Variants in C8orf74 observed in about 807,000 individuals in gnomAD.
C8orf74 encodes uncharacterized protein C8orf74.
A neutral mutation model predicts 22.2 loss-of-function variants in C8orf74; 29 were observed. That is an observed-to-expected ratio of 1.31 (90% confidence interval 0.97 to 1.78). The LOEUF (loss-of-function observed/expected upper bound fraction) is 1.78. C8orf74 is among the 40% of genes most tolerant of loss of function. The pLI, the probability that C8orf74 is intolerant of heterozygous loss-of-function variation, is 0.00. For missense variants in C8orf74, 515 were observed against 369.9 expected, an observed-to-expected ratio of 1.39 and a Z score of -3.22; for synonymous variants, 255 against 163.1, an observed-to-expected ratio of 1.56 and a Z score of -4.30.
In C8orf74 at chr8:10,700,378, T is replaced by G; in HGVS notation, c.792T>G (p.Pro264=). Reference sequence around the variant, plus strand: ...CTCTGAACCTCAACGCCCCCACCCCTATCCCGCCCCCCATCACCAGCCACG... The same window carrying G: ...CTCTGAACCTCAACGCCCCCACCCCGATCCCGCCCCCCATCACCAGCCACG... ...KKTLNLNAPT[P]IPPPITSHAG... The change falls in exon 4 of 4, where the codon CCT becomes CCG. Residue 264 remains proline (P), a synonymous_variant. Transcript: ENST00000304519. 2.6e-6 allele frequency: 2 copies of G among 781,242 alleles called. No individual in the cohort carries two copies. The highest frequency in any genetic ancestry group is 3.9e-6 in the Non-Finnish European group (2 of 506,560). The allele number at this position is 781,242 out of a possible 1,614,324, so 48.4% of individuals were successfully genotyped here.
At chr8:10,676,195 T>C (rs1799029137) in intron 2 of C8orf74, among the ~76,000 whole-genome samples, 2 of 152,210 alleles carry the variant, frequency 1.3e-5, no homozygotes, top group Non-Finnish European at 2.9e-5. Context: ...AATAATTTTT[T>C]TTTAAGTGAG....
chr8:10,695,726 C>T (rs905629301), intron 2 of C8orf74, among the ~76,000 whole-genome samples: 6 of 152,086 alleles, frequency 3.9e-5, no homozygotes, highest in Non-Finnish European at 8.8e-5. Context: ...GCATGGAGCA[C>T]TCTAGCTGGG....
At chr8:10,699,155 C>G (rs574737926) in intron 3 of C8orf74, among the ~76,000 whole-genome samples, 1 of 152,316 alleles carries the variant, frequency 6.6e-6, no homozygotes, top group East Asian at 1.9e-4. Flanking sequence ...GGCATGGCCA[C>G]AGTGGCCCCT....
At chr8:10,690,095 T>A (rs910852204) in intron 2 of C8orf74, among the ~76,000 whole-genome samples, 2 of 152,178 alleles carry the variant, frequency 1.3e-5, no homozygotes, top group Admixed American at 1.3e-4. Flanking sequence ...CCTTGCAGTG[T>A]CCACCTCCAA....
At position 10,698,001 on chromosome 8, in the gene C8orf74, G is replaced by A. The variant is rs1392280760; in HGVS notation, c.644G>A (p.Arg215Lys). The change falls in exon 3 of 4, where the codon AGA (arginine) becomes AAA (lysine). Residue 215 changes from arginine (R) to lysine (K), a missense_variant. Coordinates refer to ENST00000304519, the MANE Select transcript of C8orf74 (RefSeq NM_001040032.2). ...GCGCAGCCCGGCCAGGTCCTGGAGA[G>A]ACAGGTGAGGCTCTGCCCCCCTGCC... ...APAQPGQVLE[R>K]QELESLICQA... 5 of 1,478,500 alleles carry A rather than the reference G, an allele frequency of 3.4e-6. No homozygotes were observed. Among genetic ancestry groups the A allele is most frequent in the African/African-American group, 2.8e-5 (2 of 71,954 alleles). The allele number at this position is 1,478,500 out of a possible 1,614,324, so 91.6% of individuals were successfully genotyped here.
Position 10,700,367 on chromosome 8 carries a change from G to GCCCCCCCCCCCATGCCCCC in C8orf74, c.786_787insCCCCCCATGCCCCCCCCCC (p.Thr263ProfsTer63). On this transcript the variant is annotated frameshift_variant, in exon 4 of 4. Coordinates refer to ENST00000304519, the MANE Select transcript of C8orf74 (RefSeq NM_001040032.2). LOFTEE classifies it low-confidence loss of function (END_TRUNC). ...TCAGAAGAAGACTCTGAACCTCAAC[G>GCCCCCCCCCCCATGCCCCC]CCCCCACCCCTATCCCGCCCCCCAT... 1 of 1,590,932 alleles carries GCCCCCCCCCCCATGCCCCC rather than the reference G, an allele frequency of 6.3e-7. No individual in the cohort carries two copies. Among genetic ancestry groups the GCCCCCCCCCCCATGCCCCC allele is most frequent in the Non-Finnish European group, 8.6e-7 (1 of 1,159,764 alleles).
chr8:10,697,784 G>A lies in C8orf74; in HGVS notation c.427G>A (p.Glu143Lys), dbSNP rs1321967764. Residue 143 changes from glutamate to lysine, a missense_variant, in exon 3 of 4, where the codon GAG (glutamate) becomes AAG (lysine). Transcript: ENST00000304519. ...QQVDLTVAHL[E>K]VCMPPHPLPL... is the part of the protein sequence containing the mutation. The stretch of plus-strand genomic sequence containing the variant: ...GGTCGACCTGACCGTTGCCCACCTG[G>A]AGGTGTGCATGCCACCCCATCCCCT... The A allele has an allele frequency of 1.2e-6, 2 of 1,614,012 alleles. No homozygotes were observed. Among genetic ancestry groups the A allele is most frequent in the Admixed American group, 1.7e-5 (1 of 60,036 alleles).
At chr8:10,697,175 A>AC (rs1026246193) in intron 2 of C8orf74, among the ~76,000 whole-genome samples, 99 of 152,304 alleles carry the variant, frequency 6.5e-4, no homozygotes, top group African/African-American at 2.3e-3. Flanking sequence ...ATGGTGGCTC[A>AC]CACCTGTAAT....
chr8:10,674,570 T>A, intron 1 of C8orf74, 76 bp from the exon 2 acceptor site: 1 of 862,840 alleles, frequency 1.2e-6, no homozygotes, highest in East Asian at 6.0e-5. Flanking sequence ...AGCCCCCATA[T>A]CACACCCCGT....
chr8:10,690,773 C>T (rs780994660), intron 2 of C8orf74: 2 of 437,340 alleles, frequency 4.6e-6, no homozygotes, highest in African/African-American at 2.0e-5. Flanking sequence ...CTGCCCTGAT[C>T]GTGGAGCTTC....
chr8:10,681,908 G>T (rs973284938), intron 2 of C8orf74, among the ~76,000 whole-genome samples: 3 of 152,100 alleles, frequency 2.0e-5, no homozygotes, highest in African/African-American at 7.2e-5. Context: ...GGTTCTAAAG[G>T]AAATGCTGCC....
In C8orf74 at chr8:10,681,768, G is replaced by T. The variant is rs1799156021; in HGVS notation, c.241+6930G>T. Reference sequence around the variant, plus strand: ...AGGAAGAACCTTTGCATATGGCCAGGCCCGCCAATCCCAGGCCTGGCAGGA... The same window carrying T: ...AGGAAGAACCTTTGCATATGGCCAGTCCCGCCAATCCCAGGCCTGGCAGGA... On this transcript the variant is annotated intron_variant, in intron 2 of 3. Transcript: ENST00000304519. Among the ~76,000 whole-genome samples the T allele has an allele frequency of 3.9e-5, 6 of 152,216 alleles. No individual in the cohort carries two copies. In the South Asian group the frequency reaches 1.0e-3, roughly 26 times the overall value.
chr8:10,676,696 G>T (rs1799039759), intron 2 of C8orf74, among the ~76,000 whole-genome samples: 1 of 152,068 alleles, frequency 6.6e-6, no homozygotes, highest in African/African-American at 2.4e-5. Context: ...AGATTCTCGG[G>T]ACATCTCATC....
rs1313963515 is a variant in C8orf74, at chr8:10,698,015, T to G, written c.648+10T>G. 6.9e-7 allele frequency: 1 copy of G among 1,456,578 alleles called. No homozygotes were observed. Among genetic ancestry groups the G allele is most frequent in the Admixed American group, 2.5e-5 (1 of 40,308 alleles). 90.2% of individuals were successfully genotyped at this position (1,456,578 alleles called of 1,614,324 possible). A position where few individuals can be genotyped will look rare whatever the true frequency, so the allele number is the denominator to read the frequency against. ...GGTCCTGGAGAGACAGGTGAGGCTC[T>G]GCCCCCCTGCCGTGGGTGGGCACCT... On this transcript the variant is annotated intron_variant, in intron 3 of 3. Transcript: ENST00000304519.
At chr8:10,688,507 C>T (rs1189499764) in intron 2 of C8orf74, 1 of 152,466 alleles carries the variant, frequency 6.6e-6, no homozygotes, top group Non-Finnish European at 1.5e-5. Context: ...AAGGAATGGC[C>T]CCAGCATCAG....
intron 1 of C8orf74, among the ~76,000 whole-genome samples, chr8:10,673,374 T>C (rs1586026028): frequency 1.3e-5 from 2 of 152,136 alleles, no homozygotes; most frequent in African/African-American, 4.8e-5. Context: ...TTTTTACTTC[T>C]AGGCAGGGAA....
intron 2 of C8orf74, among the ~76,000 whole-genome samples, chr8:10,690,253 C>T (rs976808925): frequency 6.6e-6 from 1 of 152,100 alleles, no homozygotes; most frequent in African/African-American, 2.4e-5. Flanking sequence ...GCCAGACTCA[C>T]CGTGCTGGGA....
At chr8:10,684,976 G>A (rs1799231096) in intron 2 of C8orf74, among the ~76,000 whole-genome samples, 1 of 152,216 alleles carries the variant, frequency 6.6e-6, no homozygotes, top group Non-Finnish European at 1.5e-5. Flanking sequence ...ATTGAGAGTG[G>A]GGGTCCTCTG....
Position 10,696,576 on chromosome 8 carries a change from T to C in C8orf74, c.242-1023T>C, listed in dbSNP as rs569898393. 2.6e-5 allele frequency among the ~76,000 whole-genome samples: 4 copies of C among 151,562 alleles called. No homozygotes were observed. In the South Asian group the frequency reaches 8.4e-4, roughly 32 times the overall value. ...AATTCTCCTGCCTCAGCCTCCCAAG[T>C]AGCTGGGATTACAGGCACCTGCCAC... On this transcript the variant is annotated intron_variant, in intron 2 of 3. Coordinates refer to ENST00000304519, the MANE Select transcript of C8orf74 (RefSeq NM_001040032.2).
Sources: allele counts gnomAD v4.1 joint callset (sites outside exome capture counted in the v4.1 genomes callset), GRCh38; gene constraint gnomAD v4.1.1; transcripts MANE v1.5; gene names NCBI Gene and HGNC (gene_info 2026-07-23, HGNC 2026-07-21).